ANKRD6: variants seen among roughly 807,000 people sequenced by gnomAD.
ANKRD6 encodes ankyrin repeat domain 6.
A neutral mutation model predicts 82.3 loss-of-function variants in ANKRD6; 56 were observed. That is an observed-to-expected ratio of 0.68 (90% CI 0.55 to 0.85). The LOEUF (loss-of-function observed/expected upper bound fraction) is 0.85, where lower values mean the gene tolerates loss of function less well. Among genes scored for constraint, ANKRD6 ranks in the 40% least tolerant of loss-of-function variants. The probability of loss-of-function intolerance (pLI) is 0.00; values close to 1 mark genes in which losing one functional copy is unlikely to be tolerated. For synonymous variants in ANKRD6, 347 were observed against 352.1 expected, an observed-to-expected ratio of 0.99 and a Z score of 0.16; for missense variants, 852 against 907.6, an observed-to-expected ratio of 0.94 and a Z score of 0.79.
intron 9 of ANKRD6, chr6:89,618,545 A>AT (rs923205805): frequency 6.8e-5 from 13 of 190,316 alleles, no homozygotes; most frequent in Non-Finnish European, 1.1e-4. Context: ...CCATCATTTA[A>AT]TTTTTTTTAA....
intron 1 of ANKRD6, among the ~76,000 whole-genome samples, chr6:89,444,082 T>G (rs1372801781): frequency 6.6e-6 from 1 of 152,226 alleles, no homozygotes; most frequent in East Asian, 1.9e-4. Flanking sequence ...AGCCATCTTT[T>G]TTAAAAATCA....
At position 89,606,114 on chromosome 6, in the gene ANKRD6, T is replaced by C. The variant is rs1231701973; in HGVS notation, c.417+9T>C. The C allele has an allele frequency of 6.5e-7, 1 of 1,546,628 alleles. No homozygotes were observed. The highest frequency in any genetic ancestry group is 8.8e-7 in the Non-Finnish European group (1 of 1,141,828). ...TGCTTGCCAAGAACAAGGTGAGGCC[T>C]GGCAGATGCTAGAATGCCTCATTCA... On this transcript the variant is annotated intron_variant, in intron 5 of 15. Transcript: ENST00000339746.
chr6:89,442,056 G>A (rs553017348), intron 1 of ANKRD6, among the ~76,000 whole-genome samples: 2 of 152,070 alleles, frequency 1.3e-5, no homozygotes, highest in East Asian at 1.9e-4. Flanking sequence ...TGGAGCAGTG[G>A]CATGATCTCA....
chr6:89,615,178 G>A (rs1052177411), intron 7 of ANKRD6, among the ~76,000 whole-genome samples: 4 of 150,338 alleles, frequency 2.7e-5, no homozygotes, highest in African/African-American at 9.8e-5. Context: ...AAAAAAATTA[G>A]ATTGTGGTGT....
chr6:89,612,564 C>G (rs904320367), intron 6 of ANKRD6, among the ~76,000 whole-genome samples, 194 bp downstream of exon 6: 24 of 152,198 alleles, frequency 1.6e-4, no homozygotes, highest in African/African-American at 5.3e-4. Flanking sequence ...AATCAAAAGA[C>G]TTGGAAATAC....
intron 1 of ANKRD6, among the ~76,000 whole-genome samples, chr6:89,530,967 T>C (rs1253444375): frequency 6.6e-6 from 1 of 152,228 alleles, no homozygotes; most frequent in African/African-American, 2.4e-5. Flanking sequence ...CAAAGTCTGT[T>C]GGGTTTGTTT....
intron 1 of ANKRD6, among the ~76,000 whole-genome samples, chr6:89,520,599 G>A (rs1361935184): frequency 2.0e-5 from 3 of 152,222 alleles, no homozygotes; most frequent in African/African-American, 4.8e-5. Flanking sequence ...ATGGCCAGAT[G>A]AGCTAAGAAG....
Position 89,624,048 on chromosome 6 carries a change from A to G in ANKRD6, c.1209A>G (p.Lys403=). The change falls in exon 12 of 16, where the codon AAA becomes AAG. Residue 403 remains lysine (K), a synonymous_variant. Transcript: ENST00000339746. The part of the protein sequence containing the change: ...LYTLYRGKDG[K]VMQAPINGCR... ...CATTGTACCGGGGCAAGGATGGGAA[A>G]GTGATGCAGGTACCTGCAAAGCAGT... The G allele has an allele frequency of 6.2e-7, 1 of 1,610,150 alleles. No homozygotes were observed. The highest frequency in any genetic ancestry group is 8.5e-7 in the Non-Finnish European group (1 of 1,178,144).
chr6:89,498,757 G>A (rs1380503046), intron 1 of ANKRD6, among the ~76,000 whole-genome samples: 1 of 152,210 alleles, frequency 6.6e-6, no homozygotes, highest in African/African-American at 2.4e-5. Context: ...GTTTGCTATG[G>A]ATTAGATGGA....
intron 1 of ANKRD6, among the ~76,000 whole-genome samples, chr6:89,437,151 A>G (rs1173429939): frequency 1.3e-5 from 2 of 152,202 alleles, no homozygotes; most frequent in African/African-American, 4.8e-5. Flanking sequence ...TCCTAAGTCA[A>G]AAAAGGTTAG....
chr6:89,513,150 C>T (rs566720990), intron 1 of ANKRD6, among the ~76,000 whole-genome samples: 6 of 152,292 alleles, frequency 3.9e-5, no homozygotes, highest in African/African-American at 1.4e-4. Context: ...TGGTCTCAAA[C>T]TCCTCAGTTT....
chr6:89,524,717 T>C (rs767858536), intron 1 of ANKRD6, among the ~76,000 whole-genome samples: 21 of 152,200 alleles, frequency 1.4e-4, no homozygotes, highest in Non-Finnish European at 2.2e-4. Flanking sequence ...TTTCATATAA[T>C]GACTTCTTTT....
intron 2 of ANKRD6, among the ~76,000 whole-genome samples, chr6:89,580,207 A>ATTTT (rs568680402): frequency 7.0e-6 from 1 of 143,406 alleles, no homozygotes; most frequent in East Asian, 2.0e-4. Context: ...GAGAAACTTG[A>ATTTT]TTTTTTTTTT....
intron 1 of ANKRD6, among the ~76,000 whole-genome samples, chr6:89,451,608 C>G (rs1165737475): frequency 6.6e-6 from 1 of 152,026 alleles, no homozygotes; most frequent in East Asian, 1.9e-4. Flanking sequence ...TTTGATATAC[C>G]AAAACCCAGT....
At chr6:89,572,625 C>G (rs1790186213) in intron 2 of ANKRD6, among the ~76,000 whole-genome samples, 2 of 152,202 alleles carry the variant, frequency 1.3e-5, no homozygotes, top group South Asian at 4.2e-4. Context: ...GAAGCTTTTC[C>G]CCTTGTAGAA....
chr6:89,472,907 C>T (rs929038783), intron 1 of ANKRD6, among the ~76,000 whole-genome samples: 1 of 152,176 alleles, frequency 6.6e-6, no homozygotes, highest in Non-Finnish European at 1.5e-5. Context: ...ACTGTCCTTG[C>T]TCTGTGTTTT....
At chr6:89,480,394 G>T (rs1427203051) in intron 1 of ANKRD6, among the ~76,000 whole-genome samples, 1 of 152,144 alleles carries the variant, frequency 6.6e-6, no homozygotes, top group South Asian at 2.1e-4. Flanking sequence ...GGAATGACAG[G>T]GTGCTCTGTC....
At chr6:89,553,529 T>C (rs1384740802) in intron 1 of ANKRD6, among the ~76,000 whole-genome samples, 2 of 152,332 alleles carry the variant, frequency 1.3e-5, no homozygotes, top group African/African-American at 4.8e-5. Context: ...TTCAGGACTA[T>C]GTTTGCAGGA....
At chr6:89,584,629 G>A (rs1384553773) in intron 2 of ANKRD6, among the ~76,000 whole-genome samples, 2 of 152,160 alleles carry the variant, frequency 1.3e-5, no homozygotes, top group Non-Finnish European at 2.9e-5. Context: ...TCTTTTCAGT[G>A]AATTTATTGA....
Sources: gnomAD v4.1 joint callset for allele counts (sites outside exome capture counted in the v4.1 genomes callset) on GRCh38, gnomAD v4.1.1 for gene constraint, MANE v1.5 for transcripts, NCBI Gene and HGNC (gene_info 2026-07-23, HGNC 2026-07-21) for gene names.